The following DACH2 variants were observed in gnomAD, a reference collection of about 807,000 sequenced individuals.
The protein encoded by DACH2 is dachshund homolog 2.
Under a neutral mutation model 35.8 loss-of-function variants are expected in DACH2, and 17 were observed. That is an observed-to-expected ratio of 0.48 (90% CI 0.33 to 0.71). The LOEUF is 0.71. Among genes scored for constraint, DACH2 ranks in the 30% least tolerant of loss-of-function variants. The pLI, the probability that DACH2 is intolerant of heterozygous loss-of-function variation, is 0.02. For missense variants in DACH2, 469 were observed against 472.7 expected (o/e 0.99, Z 0.07); for synonymous variants, 195 against 177.3 (o/e 1.10, Z -0.79).
At chrX:86,536,887 G>C (rs1225363197) in intron 3 of DACH2, among the ~76,000 whole-genome samples, 1 of 111,422 alleles carries the variant, frequency 9.0e-6, no homozygotes, top group African/African-American at 3.3e-5. Flanking sequence ...ATTTAGACTT[G>C]TCTCAGATAC....
chrX:86,649,666 A>G (rs2040455605), intron 3 of DACH2, among the ~76,000 whole-genome samples: 1 of 111,371 alleles, frequency 9.0e-6, no homozygotes, highest in African/African-American at 3.3e-5. Flanking sequence ...TAATGTGATG[A>G]AAAGTTTGCT....
At chrX:86,446,288 C>CTTTTTTTTT (rs753958102) in intron 2 of DACH2, among the ~76,000 whole-genome samples, 11 of 78,073 alleles carry the variant, frequency 1.4e-4, no homozygotes, top group African/African-American at 5.1e-4. Context: ...AGTCTTGTTT[C>CTTTTTTTTT]TTTTTTTTTT....
At chrX:86,718,025 A>G (rs1172221370) in intron 6 of DACH2, among the ~76,000 whole-genome samples, 1 of 109,773 alleles carries the variant, frequency 9.1e-6, no homozygotes, top group African/African-American at 3.3e-5. Flanking sequence ...GTAGATACTC[A>G]ATAGTGGGAT....
chrX:86,666,702 A>G (rs1260486060), intron 4 of DACH2, among the ~76,000 whole-genome samples: 1 of 111,654 alleles, frequency 9.0e-6, no homozygotes, highest in East Asian at 2.8e-4. Flanking sequence ...CCCTTTGTAC[A>G]TAGAGTAATG....
chrX:86,348,631 T>A (rs1401539601), intron 1 of DACH2, among the ~76,000 whole-genome samples: 1 of 112,300 alleles, frequency 8.9e-6, no homozygotes, highest in African/African-American at 3.2e-5. Context: ...TATTTTCTTT[T>A]TTTTTAATCG....
chrX:86,541,767 A>G (rs2038885778), intron 3 of DACH2, among the ~76,000 whole-genome samples: 1 of 111,367 alleles, frequency 9.0e-6, no homozygotes, highest in African/African-American at 3.3e-5. Flanking sequence ...TGAGATAGGT[A>G]CTCTTATTAC....
intron 1 of DACH2, among the ~76,000 whole-genome samples, chrX:86,247,080 A>G (rs1472812791): frequency 8.9e-6 from 1 of 111,921 alleles, no homozygotes; most frequent in Non-Finnish European, 1.9e-5. Flanking sequence ...AAAGACAAAG[A>G]CAGGCATTAT....
At chrX:86,468,825 A>G (rs2037716539) in intron 2 of DACH2, among the ~76,000 whole-genome samples, 2 of 111,487 alleles carry the variant, frequency 1.8e-5, no homozygotes, top group South Asian at 7.5e-4. Flanking sequence ...AAACAGAACT[A>G]CCATATGATC....
intron 3 of DACH2, among the ~76,000 whole-genome samples, chrX:86,641,063 G>C (rs2040340307): frequency 8.9e-6 from 1 of 112,038 alleles, no homozygotes; most frequent in South Asian, 3.7e-4. Flanking sequence ...TTCTCCAAAT[G>C]ATCACACCAG....
chrX:86,614,176 A>G (rs2039978772), intron 3 of DACH2, among the ~76,000 whole-genome samples: 1 of 111,774 alleles, frequency 8.9e-6, no homozygotes. Flanking sequence ...AAATGACTAT[A>G]TTATCTAGAC....
Position 86,514,408 on chromosome X carries a change from G to A in DACH2, c.640+17G>A, listed in dbSNP as rs1370248878. On this transcript the variant is annotated intron_variant, in intron 3 of 11. Transcript: ENST00000373125. ...CTCCGACAGGTAATAAAATCCATCT[G>A]ATGATCAGCCATGTCTCTTCGTACT... is the stretch of plus-strand genomic sequence containing the variant. The A allele has an allele frequency of 1.7e-6, 2 of 1,174,821 alleles. No homozygotes were observed. Among genetic ancestry groups the A allele is most frequent in the Admixed American group, 4.5e-5 (2 of 44,890 alleles).
rs190797273 is a variant in DACH2 at position 86,325,374 on chromosome X, A to G, written c.489-51450A>G. Among the ~76,000 whole-genome samples the G allele has an allele frequency of 2.7e-5, 3 of 111,507 alleles. No individual in the cohort carries two copies. The Admixed American group carries it at 2.9e-4, about 11-fold the overall frequency. On this transcript the variant is annotated intron_variant, in intron 1 of 11. Coordinates refer to ENST00000373125, the MANE Select transcript of DACH2 (RefSeq NM_053281.3). ...ATGGAATGAGAGAGAGAGAGAGAGG[A>G]AAAAGTTTTATGATCTTTTAATATC...
At chrX:86,345,413 G>C (rs749150832) in intron 1 of DACH2, 1 of 295,004 alleles carries the variant, frequency 3.4e-6, no homozygotes, top group Non-Finnish European at 6.5e-6. Context: ...TAAATTCCTT[G>C]CAGGAAAAAA....
intron 1 of DACH2, among the ~76,000 whole-genome samples, chrX:86,222,963 T>A (rs935435953): frequency 9.0e-6 from 1 of 111,338 alleles, no homozygotes; most frequent in Non-Finnish European, 1.9e-5. Flanking sequence ...AAAAGGAGTA[T>A]GTGTGAAAGC....
intron 2 of DACH2, among the ~76,000 whole-genome samples, chrX:86,377,479 GCAAT>G (rs1439350260): frequency 9.0e-6 from 1 of 110,877 alleles, no homozygotes. Context: ...TAGTAAAAGG[GCAAT>G]CAGAGATAAC....
chrX:86,672,706 C>G (rs144411411), intron 4 of DACH2, among the ~76,000 whole-genome samples: 25 of 111,901 alleles, frequency 2.2e-4, no homozygotes, highest in African/African-American at 7.5e-4. Context: ...GATGTGCAGA[C>G]AGAAGCCCAC....
Position 86,565,268 on chromosome X carries a change from T to C in DACH2, c.640+50877T>C, listed in dbSNP as rs548153705. Reference sequence around the variant, plus strand: ...GAAAATTTAGTCATTACTTTTTCTATTCTTTTACAATACTTTATATTCACC... The same window carrying C: ...GAAAATTTAGTCATTACTTTTTCTACTCTTTTACAATACTTTATATTCACC... On this transcript the variant is annotated intron_variant, in intron 3 of 11. Coordinates refer to ENST00000373125, the MANE Select transcript of DACH2 (RefSeq NM_053281.3). Among the ~76,000 whole-genome samples the C allele has an allele frequency of 2.0e-3, 220 of 111,997 alleles. 2 individuals are homozygous for C. The highest frequency in any genetic ancestry group is 6.9e-3 in the African/African-American group (215 of 30,979).
At position 86,230,785 on chromosome X, in the gene DACH2, G is replaced by A. The variant is rs559964579; in HGVS notation, c.488+81677G>A. 2.3e-4 allele frequency among the ~76,000 whole-genome samples: 26 copies of A among 111,606 alleles called. No individual in the cohort carries two copies. The South Asian group carries it at 8.7e-3, about 37-fold the overall frequency. ...GTTTATGTGCATAAAGGTGTTCATAGTAGCCTTGAATGATCTTTTGTATTT... is the reference window on the plus strand; with the variant it reads ...GTTTATGTGCATAAAGGTGTTCATAATAGCCTTGAATGATCTTTTGTATTT... On this transcript the variant is annotated intron_variant, in intron 1 of 11. Coordinates refer to ENST00000373125, the MANE Select transcript of DACH2 (RefSeq NM_053281.3).
intron 3 of DACH2, among the ~76,000 whole-genome samples, chrX:86,522,866 C>CAG (rs1187904079): frequency 9.0e-6 from 1 of 111,640 alleles, no homozygotes; most frequent in Non-Finnish European, 1.9e-5. Flanking sequence ...TGTATCTCTG[C>CAG]AGAAGTGCTA....
Sources: allele counts gnomAD v4.1 joint callset (sites outside exome capture counted in the v4.1 genomes callset), GRCh38; gene constraint gnomAD v4.1.1; transcripts MANE v1.5; gene names NCBI Gene and HGNC (gene_info 2026-07-23, HGNC 2026-07-21).